Variants in KCNQ5 observed in about 807,000 individuals in gnomAD.
KCNQ5 encodes potassium voltage-gated channel subfamily KQT member 5.
Under a neutral mutation model 98.2 loss-of-function variants are expected in KCNQ5, and 30 were observed. The ratio of observed to expected loss-of-function variants is 0.31; its 90% confidence interval spans 0.23 to 0.41. KCNQ5 has a LOEUF of 0.41. KCNQ5 is among the 10% of genes least tolerant of loss of function. KCNQ5 has a pLI of 1.00. For missense variants in KCNQ5, 835 were observed against 1,182.5 expected (o/e 0.71, Z 4.31); for synonymous variants, 458 against 449.4 (o/e 1.02, Z -0.24).
chr6:72,731,076 AGG>A (rs1429278219), intron 1 of KCNQ5, among the ~76,000 whole-genome samples: 4 of 152,256 alleles, frequency 2.6e-5, no homozygotes, highest in African/African-American at 9.6e-5. Context: ...GATACTAAAA[AGG>A]AAGGACTCCA....
intron 1 of KCNQ5, among the ~76,000 whole-genome samples, chr6:72,730,297 A>T (rs142548404): frequency 1.3e-5 from 2 of 152,294 alleles, no homozygotes; most frequent in East Asian, 3.9e-4. Flanking sequence ...TTATATTTTA[A>T]ACAACTATTT....
At chr6:72,658,578 ATTTT>A (rs1219877866) in intron 1 of KCNQ5, among the ~76,000 whole-genome samples, 12 of 76,362 alleles carry the variant, frequency 1.6e-4, no homozygotes, top group South Asian at 1.4e-3. Context: ...ATATATATAT[ATTTT>A]TTTTTTTTTT....
At chr6:72,891,115 T>C (rs577455694) in intron 1 of KCNQ5, among the ~76,000 whole-genome samples, 1 of 152,316 alleles carries the variant, frequency 6.6e-6, no homozygotes, top group East Asian at 1.9e-4. Context: ...GGTATATGAG[T>C]ACTTTGAAAA....
chr6:73,105,179 G>A (rs757990520), intron 5 of KCNQ5, 78 bp from the exon 6 acceptor site: 78 of 670,782 alleles, frequency 1.2e-4, no homozygotes, highest in Non-Finnish European at 1.7e-4. Flanking sequence ...TAGTGGAAAC[G>A]TTGCTTGCCT....
In KCNQ5 at chr6:72,706,083, C is replaced by A. The variant is rs190763494; in HGVS notation, c.398+83496C>A. On this transcript the variant is annotated intron_variant, in intron 1 of 13. Coordinates refer to ENST00000370398, the MANE Select transcript of KCNQ5 (RefSeq NM_019842.4). ...TTTGATTAAATGAGGCAGCAAAAGT[C>A]AGAAATATTAAGCACTATAAAAATG... Among the ~76,000 whole-genome samples the A allele has an allele frequency of 1.5e-4, 23 of 152,106 alleles. No homozygotes were observed. In the East Asian group the frequency reaches 4.4e-3, roughly 29 times the overall value.
At chr6:72,838,807 G>A (rs903799893) in intron 1 of KCNQ5, among the ~76,000 whole-genome samples, 3 of 150,904 alleles carry the variant, frequency 2.0e-5, no homozygotes, top group Non-Finnish European at 4.4e-5. Flanking sequence ...AAAATTAGCC[G>A]GGCGTGGTAG....
chr6:72,906,103 CAGG>C (rs1779688368), intron 1 of KCNQ5, among the ~76,000 whole-genome samples: 3 of 152,026 alleles, frequency 2.0e-5, no homozygotes, highest in Non-Finnish European at 4.4e-5. Flanking sequence ...GTGAGGTTTC[CAGG>C]TTAATAGAGT....
intron 2 of KCNQ5, among the ~76,000 whole-genome samples, chr6:73,030,345 G>C (rs568362403): frequency 6.6e-6 from 1 of 152,220 alleles, no homozygotes; most frequent in Admixed American, 6.5e-5. Flanking sequence ...TGCCTTTCCT[G>C]TTCTTTTGCA....
At chr6:72,659,920 T>C (rs1766421598) in intron 1 of KCNQ5, among the ~76,000 whole-genome samples, 2 of 152,246 alleles carry the variant, frequency 1.3e-5, no homozygotes, top group African/African-American at 4.8e-5. Context: ...ATGATATCTC[T>C]ATAGCTGTTC....
At chr6:73,140,406 T>C (rs1050083803) in intron 10 of KCNQ5, among the ~76,000 whole-genome samples, 6 of 152,230 alleles carry the variant, frequency 3.9e-5, no homozygotes, top group Non-Finnish European at 5.9e-5. Flanking sequence ...AGGCCTTGAT[T>C]ATAATTTTCC....
intron 1 of KCNQ5, among the ~76,000 whole-genome samples, chr6:72,640,017 C>T (rs1360317165): frequency 1.3e-5 from 2 of 152,072 alleles, no homozygotes; most frequent in Admixed American, 6.5e-5. Context: ...AGATAAATAA[C>T]GCGATGTCTT....
Position 73,097,142 on chromosome 6 carries a change from C to CATATATATATATATATACATAT in KCNQ5, c.919-8096_919-8095insTATATATATATATATATATACA, listed in dbSNP as rs1554208514. Reference sequence around the variant, plus strand: ...ATTCACCACACTGTGCAATAGATCTCATATATATATATATATACACACACA... The same window carrying CATATATATATATATATACATAT: ...ATTCACCACACTGTGCAATAGATCTCATATATATATATATATACATATATATATATATATATATACACACACA... On this transcript the variant is annotated intron_variant, in intron 5 of 13. Coordinates refer to ENST00000370398, the MANE Select transcript of KCNQ5 (RefSeq NM_019842.4). 3.1e-3 allele frequency among the ~76,000 whole-genome samples: 376 copies of CATATATATATATATATACATAT among 121,900 alleles called. 9 individuals carry two copies. Among genetic ancestry groups the CATATATATATATATATACATAT allele is most frequent in the Non-Finnish European group, 5.1e-3 (291 of 56,534 alleles). The allele number at this position is 121,900 out of a possible 152,430, so 80.0% of individuals were successfully genotyped here. A position where few individuals can be genotyped will look rare whatever the true frequency, so the allele number is the denominator to read the frequency against.
intron 3 of KCNQ5, among the ~76,000 whole-genome samples, chr6:73,071,998 G>A (rs1773319728): frequency 6.6e-6 from 1 of 152,084 alleles, no homozygotes; most frequent in Non-Finnish European, 1.5e-5. Context: ...GAGGCCACTA[G>A]AATAATTCAA....
chr6:72,947,660 G>GA (rs1183999238), intron 1 of KCNQ5, among the ~76,000 whole-genome samples: 1 of 152,054 alleles, frequency 6.6e-6, no homozygotes, highest in Non-Finnish European at 1.5e-5. Context: ...TCAAAAGGCA[G>GA]AAAAAAAGTT....
At chr6:72,968,540 A>G (rs1397305558) in intron 1 of KCNQ5, among the ~76,000 whole-genome samples, 2 of 152,152 alleles carry the variant, frequency 1.3e-5, no homozygotes, top group African/African-American at 4.8e-5. Context: ...AGAGGAAGGC[A>G]AAGGTGTAGA....
chr6:73,121,097 G>C (rs1043267668), intron 8 of KCNQ5, among the ~76,000 whole-genome samples: 3 of 152,176 alleles, frequency 2.0e-5, no homozygotes. Flanking sequence ...AGTCCTAATA[G>C]GATTATAGTT....
chr6:72,650,876 A>T (rs908318084), intron 1 of KCNQ5, among the ~76,000 whole-genome samples: 3 of 152,064 alleles, frequency 2.0e-5, no homozygotes, highest in African/African-American at 4.8e-5. Flanking sequence ...ATGAGAATGA[A>T]ATGTGCAGTA....
At chr6:73,191,075 T>C (rs1765573277) in intron 12 of KCNQ5, among the ~76,000 whole-genome samples, 1 of 152,250 alleles carries the variant, frequency 6.6e-6, no homozygotes, top group Admixed American at 6.5e-5. Context: ...CTGCTGATCC[T>C]AAATTATCTA....
At chr6:73,084,547 G>A (rs12111515) in intron 5 of KCNQ5, among the ~76,000 whole-genome samples, 21,647 of 152,150 alleles carry the variant, frequency 0.14, 3,022 homozygotes, top group African/African-American at 0.37. Flanking sequence ...AGATACAATT[G>A]AATAAGTCAT....
Sources: gnomAD v4.1 joint callset for allele counts (sites outside exome capture counted in the v4.1 genomes callset) on GRCh38, gnomAD v4.1.1 for gene constraint, MANE v1.5 for transcripts, NCBI Gene and HGNC (gene_info 2026-07-23, HGNC 2026-07-21) for gene names.